Variants in SAMSN1 observed in about 807,000 individuals in gnomAD.
The protein encoded by SAMSN1 is SAM domain-containing protein SAMSN-1.
In SAMSN1, 31 loss-of-function variants were observed where a neutral mutation model predicts 42.0. That is an observed-to-expected ratio of 0.74 (90% confidence interval 0.55 to 1.00). SAMSN1 has a LOEUF of 1.00. SAMSN1 is among the 50% of genes least tolerant of loss of function. The pLI is 0.00. For missense variants in SAMSN1, 464 were observed against 439.4 expected, an observed-to-expected ratio of 1.06 and a Z score of -0.50; for synonymous variants, 178 against 151.9, an observed-to-expected ratio of 1.17 and a Z score of -1.26.
At chr21:14,625,982 A>G (rs897557276) in intron 2 of SAMSN1, among the ~76,000 whole-genome samples, 2 of 152,218 alleles carry the variant, frequency 1.3e-5, no homozygotes, top group African/African-American at 4.8e-5. Flanking sequence ...ACACACATCT[A>G]CAATCAACTG....
intron 2 of SAMSN1, among the ~76,000 whole-genome samples, chr21:14,576,421 G>C (rs1418366206): frequency 6.6e-6 from 1 of 152,128 alleles, no homozygotes; most frequent in African/African-American, 2.4e-5. Flanking sequence ...TCTGTCTCCA[G>C]TTACCTCGTC....
intron 1 of SAMSN1, among the ~76,000 whole-genome samples, chr21:14,651,107 A>G (rs1286767786): frequency 6.6e-6 from 1 of 152,060 alleles, no homozygotes; most frequent in African/African-American, 2.4e-5. Flanking sequence ...CCTTTAAAGA[A>G]GAATTAATAC....
rs183113991 is a variant in SAMSN1, at chr21:14,578,724, T to C, written c.261+3412A>G. Among the ~76,000 whole-genome samples the C allele has an allele frequency of 1.6e-3, 234 of 142,638 alleles. 2 individuals carry two copies. Among genetic ancestry groups the C allele is most frequent in the African/African-American group, 5.8e-3 (227 of 39,172 alleles). 93.6% of individuals were successfully genotyped at this position (142,638 alleles called of 152,430 possible). A position where few individuals can be genotyped will look rare whatever the true frequency, so the allele number is the denominator to read the frequency against. On this transcript the variant is annotated intron_variant, in intron 2 of 8. Transcript: ENST00000285670. ...AAAAAAAGACCCCAAGATTGTACTATTCCTAAAATTTTTGAAGTCAAGGAG... is the reference window on the plus strand; with the variant it reads ...AAAAAAAGACCCCAAGATTGTACTACTCCTAAAATTTTTGAAGTCAAGGAG...
At chr21:14,632,889 T>C (rs372766101) in intron 2 of SAMSN1, among the ~76,000 whole-genome samples, 20 of 152,358 alleles carry the variant, frequency 1.3e-4, no homozygotes, top group African/African-American at 4.8e-4. Flanking sequence ...ATGCCTTTCC[T>C]AGTTCCTTAT....
At chr21:14,622,373 G>A (rs1408635941) in intron 2 of SAMSN1, among the ~76,000 whole-genome samples, 1 of 152,132 alleles carries the variant, frequency 6.6e-6, no homozygotes, top group Non-Finnish European at 1.5e-5. Flanking sequence ...AAAAAGCTTG[G>A]GAAAAGATTA....
intron 5 of SAMSN1, among the ~76,000 whole-genome samples, chr21:14,503,674 G>A (rs1987273179): frequency 6.6e-6 from 1 of 152,152 alleles, no homozygotes; most frequent in Non-Finnish European, 1.5e-5. Flanking sequence ...AACTTAAAAA[G>A]TACTAGACAT....
chr21:14,521,033 G>T, intron 2 of SAMSN1, 117 bp downstream of exon 2: 1 of 673,502 alleles, frequency 1.5e-6, no homozygotes, highest in Non-Finnish European at 2.6e-6. Context: ...CATATGCAAG[G>T]CTATAATTTT....
chr21:14,552,848 C>CA, intron 2 of SAMSN1, among the ~76,000 whole-genome samples: 2 of 152,038 alleles, frequency 1.3e-5, no homozygotes, highest in Non-Finnish European at 2.9e-5. Context: ...TTGCTTGCCT[C>CA]AATATCAAAT....
intron 7 of SAMSN1, chr21:14,592,581 C>G: frequency 3.0e-6 from 1 of 335,282 alleles, no homozygotes. Flanking sequence ...CTCAAATATC[C>G]TTGGGGACAT....
At chr21:14,631,777 G>T (rs1270904347) in intron 2 of SAMSN1, among the ~76,000 whole-genome samples, 1 of 152,070 alleles carries the variant, frequency 6.6e-6, no homozygotes, top group Non-Finnish European at 1.5e-5. Context: ...ACAGATGTTA[G>T]GCTTGATACT....
intron 1 of SAMSN1, among the ~76,000 whole-genome samples, chr21:14,539,556 G>A (rs1293294772): frequency 1.3e-5 from 2 of 151,678 alleles, no homozygotes; most frequent in Non-Finnish European, 1.5e-5. Context: ...GCTTCAAAGA[G>A]AATAAAATAA....
intron 5 of SAMSN1, among the ~76,000 whole-genome samples, chr21:14,605,934 C>A (rs891373443): frequency 2.0e-5 from 3 of 151,870 alleles, no homozygotes; most frequent in Non-Finnish European, 4.4e-5. Context: ...CTCCGCCTCC[C>A]AGGTTCACGC....
At chr21:14,569,723 T>C (rs1049284410) in intron 2 of SAMSN1, among the ~76,000 whole-genome samples, 3 of 152,196 alleles carry the variant, frequency 2.0e-5, no homozygotes, top group Admixed American at 6.5e-5. Flanking sequence ...TAACTGGAAG[T>C]TCTATCATTA....
At position 14,512,570 on chromosome 21, in the gene SAMSN1, C is replaced by T. The variant is rs1244421634; in HGVS notation, c.283G>A (p.Glu95Lys). 6.2e-7 allele frequency: 1 copy of T among 1,613,846 alleles called. No homozygotes were observed. Among genetic ancestry groups the T allele is most frequent in the South Asian group, 1.1e-5 (1 of 91,068 alleles). The change falls in exon 4 of 8, where the codon GAG becomes AAG. Residue 95 changes from glutamate to lysine, a missense_variant. Transcript: ENST00000400566. ...GGGTGGGCATTCTCTCCATCTTCCTCATCCTTCAGAAAACATATCAGAGGT... is the reference window on the plus strand; with the variant it reads ...GGGTGGGCATTCTCTCCATCTTCCTTATCCTTCAGAAAACATATCAGAGGT... Reference protein sequence around the residue: ...YIKALSEEKDEEDGENAHPYR... With the variant: ...YIKALSEEKDKEDGENAHPYR...
chr21:14,512,656 A>G (rs894201759), intron 3 of SAMSN1, 83 bp from the exon 4 acceptor site: 1 of 1,164,184 alleles, frequency 8.6e-7, no homozygotes, highest in Non-Finnish European at 1.2e-6. Context: ...TAATAGACAC[A>G]TATTTTAGCA....
At chr21:14,658,910 A>G, upstream of SAMSN1, 1 of 634,612 alleles carries the variant, frequency 1.6e-6, no homozygotes, top group South Asian at 1.8e-5. Context: ...AATCCAGGGG[A>G]TTCAGAGACC....
intron 2 of SAMSN1, among the ~76,000 whole-genome samples, chr21:14,638,015 A>G (rs1374367144): frequency 6.6e-6 from 1 of 152,192 alleles, no homozygotes; most frequent in South Asian, 2.1e-4. Flanking sequence ...AGTGGTGGAC[A>G]TAGTAGACTT....
chr21:14,510,913 A>G (rs1238058660), intron 4 of SAMSN1, among the ~76,000 whole-genome samples: 1 of 152,204 alleles, frequency 6.6e-6, no homozygotes, highest in Non-Finnish European at 1.5e-5. Flanking sequence ...AGTGTGTCTG[A>G]ATATCTGCAT....
At chr21:14,643,055 A>G (rs1207781184) in exon 2 of SAMSN1, 1 of 717,206 alleles carries the variant, frequency 1.4e-6, no homozygotes, top group Non-Finnish European at 2.6e-6. Context: ...GGGATAGGAG[A>G]ATCAGTTCTA....
Sources: gnomAD v4.1 joint callset for allele counts (sites outside exome capture counted in the v4.1 genomes callset) on GRCh38, gnomAD v4.1.1 for gene constraint, MANE v1.5 for transcripts, NCBI Gene and HGNC (gene_info 2026-07-23, HGNC 2026-07-21) for gene names.